Variants in PCDH15 observed in about 807,000 individuals in gnomAD.
PCDH15 encodes the protein protocadherin related 15.
In PCDH15, 129 loss-of-function variants were observed where a neutral mutation model predicts 178.5. The ratio of observed to expected loss-of-function variants is 0.72; its 90% CI spans 0.63 to 0.84. The LOEUF is 0.84. Ranked by LOEUF, PCDH15 falls within the 40% of genes least tolerant of loss-of-function variation. PCDH15 has a pLI of 0.00. For synonymous variants in PCDH15, 800 were observed against 732.0 expected (o/e 1.09, Z -1.50); for missense variants, 2,230 against 2,099.9 (o/e 1.06, Z -1.21).
intron 1 of PCDH15, among the ~76,000 whole-genome samples, chr10:55,222,752 T>C (rs796259111): frequency 0.31 from 39,437 of 128,606 alleles, 7,051 homozygotes; most frequent in Middle Eastern, 0.41. Flanking sequence ...TATATATATA[T>C]ATATATATAT....
chr10:54,980,183 A>C (rs968117235), intron 2 of PCDH15, among the ~76,000 whole-genome samples: 2 of 152,208 alleles, frequency 1.3e-5, no homozygotes, highest in African/African-American at 4.8e-5. Flanking sequence ...CATGCTTGGC[A>C]TTCCAATAAT....
chr10:54,926,924 A>T (rs1391033466), intron 2 of PCDH15, among the ~76,000 whole-genome samples: 4 of 151,270 alleles, frequency 2.6e-5, no homozygotes, highest in Admixed American at 1.3e-4. Flanking sequence ...GAGATTTTTT[A>T]AAATTTTTTT....
intron 21 of PCDH15, among the ~76,000 whole-genome samples, chr10:53,967,738 G>A (rs943184503): frequency 6.6e-6 from 1 of 152,026 alleles, no homozygotes; most frequent in Non-Finnish European, 1.5e-5. Flanking sequence ...AAATCAATAT[G>A]AAAATTTTAA....
intron 2 of PCDH15, among the ~76,000 whole-genome samples, chr10:54,607,383 C>T (rs904438620): frequency 6.6e-6 from 1 of 151,924 alleles, no homozygotes; most frequent in Non-Finnish European, 1.5e-5. Context: ...TTCTCCATAT[C>T]CCTGCCCACT....
chr10:55,428,872 T>G (rs1838819370), intron 2 of PCDH15, among the ~76,000 whole-genome samples: 1 of 152,036 alleles, frequency 6.6e-6, no homozygotes, highest in Admixed American at 6.5e-5. Context: ...AATATCCGTT[T>G]TTCCCATTAT....
At chr10:53,824,668 T>G (rs923826790) in intron 32 of PCDH15, among the ~76,000 whole-genome samples, 2 of 152,124 alleles carry the variant, frequency 1.3e-5, no homozygotes, top group Non-Finnish European at 2.9e-5. Flanking sequence ...TTGAAAAGTA[T>G]TTTTCAAATA....
At chr10:55,292,320 C>T (rs1459689509) in intron 1 of PCDH15, among the ~76,000 whole-genome samples, 1 of 152,134 alleles carries the variant, frequency 6.6e-6, no homozygotes, top group Non-Finnish European at 1.5e-5. Context: ...GGGCTACAGG[C>T]CCCAAGCAAA....
At chr10:55,226,494 G>A (rs1427387684) in intron 1 of PCDH15, among the ~76,000 whole-genome samples, 1 of 151,890 alleles carries the variant, frequency 6.6e-6, no homozygotes, top group Admixed American at 6.6e-5. Context: ...CAATTCTCCT[G>A]CCTCAGCCTC....
chr10:54,689,449 G>A (rs2095075462), intron 1 of PCDH15, among the ~76,000 whole-genome samples: 1 of 152,028 alleles, frequency 6.6e-6, no homozygotes, highest in South Asian at 2.1e-4. Context: ...TATATAAAAT[G>A]GTAGAAAAAT....
At chr10:55,293,684 T>A (rs1254152125) in intron 1 of PCDH15, among the ~76,000 whole-genome samples, 1 of 152,192 alleles carries the variant, frequency 6.6e-6, no homozygotes, top group Admixed American at 6.5e-5. Flanking sequence ...GCCTCTTTGC[T>A]AAAACATAAC....
At chr10:55,246,379 T>C (rs1030455390) in intron 1 of PCDH15, among the ~76,000 whole-genome samples, 1 of 152,200 alleles carries the variant, frequency 6.6e-6, no homozygotes, top group Non-Finnish European at 1.5e-5. Context: ...TTATCTGTAT[T>C]AGGCAAAGTA....
At position 54,171,588 on chromosome 10, in the gene PCDH15, T is replaced by C. The variant is rs908406134; in HGVS notation, c.1590+11856A>G. Among the ~76,000 whole-genome samples the C allele has an allele frequency of 5.6e-3, 855 of 152,184 alleles. 10 individuals are homozygous for C. The highest frequency in any genetic ancestry group is 0.019 in the African/African-American group (808 of 41,474). On this transcript the variant is annotated intron_variant, in intron 13 of 37. Transcript: ENST00000644397. ...TTACACTGCCGGTTTACACTGTTTTTCCAAGCCATCACAGCTGATATCTCC... is the reference window on the plus strand; with the variant it reads ...TTACACTGCCGGTTTACACTGTTTTCCCAAGCCATCACAGCTGATATCTCC...
At chr10:53,860,492 A>G (rs1401954923) in intron 27 of PCDH15, among the ~76,000 whole-genome samples, 1 of 152,132 alleles carries the variant, frequency 6.6e-6, no homozygotes, top group East Asian at 1.9e-4. Flanking sequence ...GCATTTTGGG[A>G]GACTGAGGCA....
At chr10:54,832,926 T>G (rs914129873) in intron 3 of PCDH15, among the ~76,000 whole-genome samples, 3 of 152,132 alleles carry the variant, frequency 2.0e-5, no homozygotes, top group Admixed American at 2.0e-4. Context: ...ATTTTGCAGG[T>G]AAGGAAACTA....
chr10:53,860,435 T>C (rs938473186), intron 27 of PCDH15, among the ~76,000 whole-genome samples: 2 of 152,036 alleles, frequency 1.3e-5, no homozygotes, highest in Non-Finnish European at 2.9e-5. Context: ...AGGTTACTTA[T>C]TCAAAATACT....
At chr10:54,191,115 G>A (rs2048949200) in intron 11 of PCDH15, among the ~76,000 whole-genome samples, 1 of 152,158 alleles carries the variant, frequency 6.6e-6, no homozygotes, top group African/African-American at 2.4e-5. Flanking sequence ...AATAGTGACT[G>A]AATTTATGAG....
chr10:54,664,039 T>G, intron 2 of PCDH15, 133 bp downstream of exon 2: 1 of 743,682 alleles, frequency 1.3e-6, no homozygotes, highest in African/African-American at 1.8e-5. Context: ...TTAGTTAAGG[T>G]TAATTATTAC....
At chr10:54,713,238 TAC>T (rs1424410958) in intron 1 of PCDH15, among the ~76,000 whole-genome samples, 1 of 150,750 alleles carries the variant, frequency 6.6e-6, no homozygotes, top group African/African-American at 2.4e-5. Flanking sequence ...CACACACACA[TAC>T]ACACACAGGG....
chr10:54,151,200 C>T (rs1030660182), intron 14 of PCDH15, among the ~76,000 whole-genome samples: 11 of 151,864 alleles, frequency 7.2e-5, no homozygotes, highest in East Asian at 3.9e-4. Flanking sequence ...AAGTCACAAA[C>T]GAGACAAGCA....
Sources: gnomAD v4.1 joint callset for allele counts (sites outside exome capture counted in the v4.1 genomes callset) on GRCh38, gnomAD v4.1.1 for gene constraint, MANE v1.5 for transcripts, NCBI Gene and HGNC (gene_info 2026-07-23, HGNC 2026-07-21) for gene names.